The following NCALD variants were observed in gnomAD, a reference collection of about 807,000 sequenced individuals.
NCALD encodes neurocalcin delta.
In NCALD, 10 loss-of-function variants were observed where a neutral mutation model predicts 18.6. The ratio of observed to expected loss-of-function variants is 0.54; its 90% CI spans 0.33 to 0.91. The LOEUF (loss-of-function observed/expected upper bound fraction) is 0.91, where lower values mean the gene tolerates loss of function less well. NCALD is among the 40% of genes least tolerant of loss of function. The probability of loss-of-function intolerance (pLI) is 0.03; values close to 1 mark genes in which losing one functional copy is unlikely to be tolerated. For missense variants in NCALD, 184 were observed against 247.6 expected (o/e 0.74, Z 1.72); for synonymous variants, 88 against 87.4 (o/e 1.01, Z -0.04).
chr8:101,894,966 C>T (rs1304308754), intron 3 of NCALD, among the ~76,000 whole-genome samples: 1 of 150,950 alleles, frequency 6.6e-6, no homozygotes, highest in East Asian at 1.9e-4. Flanking sequence ...CCTTCTGAAA[C>T]TACTCCAATC....
At chr8:101,912,349 AG>A (rs1817831262) in intron 3 of NCALD, among the ~76,000 whole-genome samples, 1 of 152,186 alleles carries the variant, frequency 6.6e-6, no homozygotes, top group Non-Finnish European at 1.5e-5. Context: ...TGAGTTATTA[AG>A]GTGTACAGAC....
chr8:101,736,467 C>A (rs1439577763), intron 1 of NCALD, among the ~76,000 whole-genome samples: 49 of 152,258 alleles, frequency 3.2e-4, no homozygotes, highest in Non-Finnish European at 1.3e-4. Context: ...TATATATATT[C>A]CCTATTTATA....
intron 1 of NCALD, among the ~76,000 whole-genome samples, chr8:102,056,179 G>A (rs1823643205): frequency 6.6e-6 from 1 of 152,128 alleles, no homozygotes; most frequent in Non-Finnish European, 1.5e-5. Flanking sequence ...TGATTTAACT[G>A]CATTATTTCT....
intron 2 of NCALD, among the ~76,000 whole-genome samples, chr8:101,955,530 A>G (rs1013375075): frequency 6.6e-6 from 1 of 152,222 alleles, no homozygotes; most frequent in African/African-American, 2.4e-5. Context: ...AAAAACAGGC[A>G]GTAAGTTAAG....
At chr8:102,024,210 T>C (rs193024742) in intron 1 of NCALD, among the ~76,000 whole-genome samples, 13 of 152,322 alleles carry the variant, frequency 8.5e-5, no homozygotes, top group African/African-American at 3.1e-4. Flanking sequence ...AGAAATACCA[T>C]ATTTTCAAAA....
chr8:102,001,868 T>A (rs988441076), intron 2 of NCALD, among the ~76,000 whole-genome samples: 7 of 152,190 alleles, frequency 4.6e-5, no homozygotes, highest in African/African-American at 1.7e-4. Context: ...AAAGAGCTCC[T>A]GAGGGAAGCA....
chr8:102,050,168 CAAAAAAAAAA>C (rs71268541), intron 1 of NCALD, among the ~76,000 whole-genome samples: 5 of 44,702 alleles, frequency 1.1e-4, no homozygotes, highest in Admixed American at 3.9e-4. Flanking sequence ...GACTCCGTCT[CAAAAAAAAAA>C]AAAAAAAAAA....
chr8:101,870,909 C>CCAA (rs1554649158), intron 4 of NCALD, among the ~76,000 whole-genome samples: 18 of 81,544 alleles, frequency 2.2e-4, no homozygotes, highest in East Asian at 9.7e-4. Context: ...CCCCCCCCCC[C>CCAA]AAAAAAAGAG....
intron 1 of NCALD, among the ~76,000 whole-genome samples, chr8:102,048,547 C>T (rs368492063): frequency 2.0e-5 from 3 of 152,116 alleles, no homozygotes; most frequent in Admixed American, 6.5e-5. Context: ...CATTTGGCTA[C>T]GAGCAGGCTA....
At chr8:102,102,515 T>G (rs1042172068) in intron 1 of NCALD, among the ~76,000 whole-genome samples, 1 of 152,166 alleles carries the variant, frequency 6.6e-6, no homozygotes, top group African/African-American at 2.4e-5. Context: ...TGGTATTTAT[T>G]GCACAGATGA....
chr8:102,039,227 C>T (rs891165662), intron 1 of NCALD, among the ~76,000 whole-genome samples: 33 of 152,064 alleles, frequency 2.2e-4, no homozygotes, highest in Admixed American at 2.0e-3. Context: ...ACTCCTGACC[C>T]CTGGGACCTC....
chr8:102,054,660 C>CGATAGATAGATA (rs10617345), intron 1 of NCALD, among the ~76,000 whole-genome samples: 67 of 142,404 alleles, frequency 4.7e-4, no homozygotes, highest in East Asian at 6.3e-4. Context: ...CTTTCTCTTC[C>CGATAGATAGATA]GATAGATAGA....
At chr8:101,847,106 G>A (rs1814898375) in intron 4 of NCALD, 1 of 152,252 alleles carries the variant, frequency 6.6e-6, no homozygotes, top group South Asian at 2.1e-4. Flanking sequence ...TGAATAAAAT[G>A]TAAGTACATG....
At chr8:102,054,744 TATAGGATGATAGATATATATTGATAGATG>T (rs1249572497) in intron 1 of NCALD, among the ~76,000 whole-genome samples, 1 of 135,358 alleles carries the variant, frequency 7.4e-6, no homozygotes, top group African/African-American at 2.7e-5. Context: ...TAGATAGATC[TATAGGATGATAGATATATATTGATAGATG>T]ATAGATGATA....
chr8:101,895,246 G>C (rs1586712800), intron 3 of NCALD, among the ~76,000 whole-genome samples: 1 of 141,528 alleles, frequency 7.1e-6, no homozygotes. Context: ...CATATAAACA[G>C]AGCCAAAGAC....
chr8:101,856,649 A>G (rs1815333327), intron 4 of NCALD, among the ~76,000 whole-genome samples: 1 of 152,182 alleles, frequency 6.6e-6, no homozygotes, highest in Admixed American at 6.5e-5. Flanking sequence ...TAATGAGCCA[A>G]TAAAATATCC....
chr8:102,051,145 C>A (rs1233820691), intron 1 of NCALD, among the ~76,000 whole-genome samples: 1 of 151,994 alleles, frequency 6.6e-6, no homozygotes, highest in Non-Finnish European at 1.5e-5. Context: ...TCCTTTTTTC[C>A]CAGTCTTGTT....
chr8:102,048,924 G>A (rs1054966730), intron 1 of NCALD, among the ~76,000 whole-genome samples: 1 of 152,164 alleles, frequency 6.6e-6, no homozygotes, highest in Non-Finnish European at 1.5e-5. Context: ...TAAACTTGTG[G>A]TAGTGGGAGA....
intron 2 of NCALD, among the ~76,000 whole-genome samples, chr8:101,979,232 A>G (rs1367799696): frequency 6.6e-6 from 1 of 152,166 alleles, no homozygotes; most frequent in African/African-American, 2.4e-5. Context: ...GGTAGCAGGC[A>G]TTCTGGAGAA....
Sources: gnomAD v4.1 joint callset for allele counts (sites outside exome capture counted in the v4.1 genomes callset) on GRCh38, gnomAD v4.1.1 for gene constraint, MANE v1.5 for transcripts, NCBI Gene and HGNC (gene_info 2026-07-23, HGNC 2026-07-21) for gene names.